The following FHIT variants were observed in gnomAD, a reference collection of about 807,000 sequenced individuals.
FHIT encodes the protein bis(5'-adenosyl)-triphosphatase.
FHIT carries 19 observed loss-of-function variants against 17.9 expected under a neutral mutation model. The observed-to-expected ratio is 1.06, with a 90% confidence interval of 0.74 to 1.56. The LOEUF (loss-of-function observed/expected upper bound fraction) is 1.56. Ranked by LOEUF, FHIT falls within the 40% of genes most tolerant of loss-of-function variation. The pLI, the probability that FHIT is intolerant of heterozygous loss-of-function variation, is 0.00. For synonymous variants in FHIT, 81 were observed against 69.7 expected (o/e 1.16, Z -0.81); for missense variants, 248 against 189.2 (o/e 1.31, Z -1.82).
At chr3:59,980,920 T>C (rs970233607) in intron 7 of FHIT, among the ~76,000 whole-genome samples, 1 of 152,182 alleles carries the variant, frequency 6.6e-6, no homozygotes, top group Non-Finnish European at 1.5e-5. Flanking sequence ...CTAAAATTAA[T>C]TATAATCCTA....
intron 5 of FHIT, among the ~76,000 whole-genome samples, chr3:60,442,673 T>G (rs1183754398): frequency 6.6e-6 from 1 of 152,184 alleles, no homozygotes; most frequent in Non-Finnish European, 1.5e-5. Context: ...TTGGTTACTG[T>G]AGCCTTGTAG....
At chr3:61,126,931 C>A (rs920505909) in intron 2 of FHIT, among the ~76,000 whole-genome samples, 5 of 151,956 alleles carry the variant, frequency 3.3e-5, no homozygotes, top group Non-Finnish European at 7.4e-5. Context: ...GCAGAGCAAC[C>A]CTAAAAGGCT....
intron 8 of FHIT, among the ~76,000 whole-genome samples, chr3:59,886,801 T>G (rs928885265): frequency 6.6e-6 from 1 of 152,212 alleles, no homozygotes; most frequent in African/African-American, 2.4e-5. Context: ...CAGCAATTAC[T>G]AGTCAATTAT....
At chr3:60,473,880 G>A (rs1160627674) in intron 5 of FHIT, among the ~76,000 whole-genome samples, 4 of 151,732 alleles carry the variant, frequency 2.6e-5, no homozygotes, top group Non-Finnish European at 4.4e-5. Context: ...CTGAGATCAC[G>A]CCATTGCACT....
At chr3:60,348,586 T>G (rs1365397838) in intron 5 of FHIT, among the ~76,000 whole-genome samples, 2 of 152,178 alleles carry the variant, frequency 1.3e-5, no homozygotes, top group African/African-American at 4.8e-5. Flanking sequence ...GACACACACA[T>G]GTGTAAGTAT....
chr3:60,626,519 G>A (rs2039291092), intron 4 of FHIT, among the ~76,000 whole-genome samples: 1 of 152,094 alleles, frequency 6.6e-6, no homozygotes, highest in African/African-American at 2.4e-5. Flanking sequence ...TCTATCACAA[G>A]TGAATAGAGA....
At chr3:60,035,796 C>A (rs1701191820) in intron 5 of FHIT, among the ~76,000 whole-genome samples, 1 of 152,184 alleles carries the variant, frequency 6.6e-6, no homozygotes, top group South Asian at 2.1e-4. Flanking sequence ...TGTATTTCCT[C>A]ATATGCCTTA....
intron 8 of FHIT, among the ~76,000 whole-genome samples, chr3:59,828,247 A>T (rs1701042834): frequency 6.6e-6 from 1 of 152,240 alleles, no homozygotes; most frequent in Non-Finnish European, 1.5e-5. Flanking sequence ...TAATCATCAG[A>T]AACAAGAAAC....
At chr3:61,126,006 A>G (rs1004211726) in intron 2 of FHIT, among the ~76,000 whole-genome samples, 1 of 152,170 alleles carries the variant, frequency 6.6e-6, no homozygotes, top group Non-Finnish European at 1.5e-5. Context: ...GTAAGTGACC[A>G]AGATCCAGTG....
At chr3:60,124,572 C>T (rs935884473) in intron 5 of FHIT, among the ~76,000 whole-genome samples, 1 of 152,114 alleles carries the variant, frequency 6.6e-6, no homozygotes, top group Non-Finnish European at 1.5e-5. Flanking sequence ...TTGTTCTATA[C>T]ACTATATCAA....
chr3:60,751,198 A>C (rs2042458915), intron 4 of FHIT, among the ~76,000 whole-genome samples: 1 of 152,256 alleles, frequency 6.6e-6, no homozygotes. Context: ...GCTTCACTTT[A>C]ATAACTACTG....
At chr3:60,418,944 T>A (rs994004017) in intron 5 of FHIT, among the ~76,000 whole-genome samples, 1 of 152,154 alleles carries the variant, frequency 6.6e-6, no homozygotes, top group Non-Finnish European at 1.5e-5. Flanking sequence ...TGAAAACATA[T>A]AGAATTACAA....
chr3:61,210,146 T>C (rs555270088), intron 1 of FHIT, among the ~76,000 whole-genome samples: 3 of 152,282 alleles, frequency 2.0e-5, no homozygotes, highest in East Asian at 1.9e-4. Flanking sequence ...GAACCGCAAA[T>C]GCTACTGCTT....
intron 1 of FHIT, among the ~76,000 whole-genome samples, chr3:61,211,575 A>C (rs1168716794): frequency 6.6e-6 from 1 of 152,192 alleles, no homozygotes; most frequent in East Asian, 1.9e-4. Flanking sequence ...CTCTGGGGGC[A>C]GGGCACAGAC....
At chr3:60,320,789 A>C (rs1329290650) in intron 5 of FHIT, among the ~76,000 whole-genome samples, 1 of 152,232 alleles carries the variant, frequency 6.6e-6, no homozygotes, top group Non-Finnish European at 1.5e-5. Flanking sequence ...GGAGATATAA[A>C]TTTGAAATGG....
At chr3:60,468,912 A>G (rs1364672286) in intron 5 of FHIT, among the ~76,000 whole-genome samples, 1 of 152,110 alleles carries the variant, frequency 6.6e-6, no homozygotes, top group Non-Finnish European at 1.5e-5. Flanking sequence ...CTAAATATAC[A>G]TGTTTGAAGG....
At chr3:60,445,483 A>G (rs1050499954) in intron 5 of FHIT, among the ~76,000 whole-genome samples, 1 of 102,036 alleles carries the variant, frequency 9.8e-6, no homozygotes. Context: ...AAGAAGAAGA[A>G]AAAAAAAAGA....
At chr3:59,989,361 C>T (rs1281071966) in intron 7 of FHIT, among the ~76,000 whole-genome samples, 1 of 152,000 alleles carries the variant, frequency 6.6e-6, no homozygotes, top group African/African-American at 2.4e-5. Flanking sequence ...TTCCAACCCT[C>T]GGCCAGCACC....
intron 5 of FHIT, among the ~76,000 whole-genome samples, chr3:60,311,954 A>C (rs755686292): frequency 3.3e-5 from 5 of 152,208 alleles, no homozygotes; most frequent in Admixed American, 6.5e-5. Flanking sequence ...GCCTAAGGTA[A>C]TACAGTATAA....
Sources: gnomAD v4.1 joint callset for allele counts (sites outside exome capture counted in the v4.1 genomes callset) on GRCh38, gnomAD v4.1.1 for gene constraint, MANE v1.5 for transcripts, NCBI Gene and HGNC (gene_info 2026-07-23, HGNC 2026-07-21) for gene names.